Variants in NHSL1 observed in about 807,000 individuals in gnomAD.
NHSL1 encodes the protein NHS like 1, also known as NHS-like protein 1.
A neutral mutation model predicts 95.0 loss-of-function variants in NHSL1; 48 were observed. The ratio of observed to expected loss-of-function variants is 0.51; its 90% CI spans 0.40 to 0.64. The LOEUF is 0.64. Among genes scored for constraint, NHSL1 ranks in the 30% least tolerant of loss-of-function variants. NHSL1 has a pLI of 0.00. For synonymous variants in NHSL1, 783 were observed against 833.9 expected (o/e 0.94, Z 1.05); for missense variants, 1,971 against 2,077.7 (o/e 0.95, Z 1.00).
At chr6:138,680,318 C>T (rs771756689) in intron 1 of NHSL1, among the ~76,000 whole-genome samples, 3 of 152,186 alleles carry the variant, frequency 2.0e-5, no homozygotes, top group Non-Finnish European at 4.4e-5. Flanking sequence ...TCTGCACTGT[C>T]GCAGCACCAC....
chr6:138,620,021 T>C (rs1355891338), intron 1 of NHSL1, among the ~76,000 whole-genome samples: 3 of 147,542 alleles, frequency 2.0e-5, no homozygotes, highest in African/African-American at 7.5e-5. Flanking sequence ...AAAACAACCA[T>C]AACCTAATAA....
intron 1 of NHSL1, among the ~76,000 whole-genome samples, chr6:138,569,245 A>ATG (rs58789555): frequency 0.11 from 15,496 of 147,404 alleles, 1,010 homozygotes; most frequent in East Asian, 0.34. Context: ...TTGTGTGTAT[A>ATG]TGTGTGTGTG....
rs547020096 is a variant in NHSL1 at position 138,538,462 on chromosome 6, A to G, written c.16+7161T>C. Among the ~76,000 whole-genome samples, 32 of 152,290 alleles carry G rather than the reference A, an allele frequency of 2.1e-4. No individual in the cohort carries two copies. The South Asian group carries it at 6.6e-3, about 32-fold the overall frequency. On this transcript the variant is annotated intron_variant, in intron 1 of 4. Transcript: ENST00000342260. ...CACGTGATCTTCTACCAAGTCAAGC[A>G]TCCTCTGGGCATCTGCCAGGCTCGT... is the stretch of plus-strand genomic sequence containing the variant.
chr6:138,429,867 C>T (rs1232674691), intron 6 of NHSL1, 24 bp from the exon 7 acceptor site: 3 of 1,539,850 alleles, frequency 1.9e-6, no homozygotes, highest in South Asian at 2.4e-5. Context: ...GGCAGGCATA[C>T]AAGACGCACA....
At chr6:138,559,057 G>GAAAAA (rs918734422) in intron 1 of NHSL1, among the ~76,000 whole-genome samples, 4 of 121,856 alleles carry the variant, frequency 3.3e-5, no homozygotes, top group African/African-American at 1.2e-4. Context: ...TCTTTAAAAA[G>GAAAAA]AAAAAAAAAA....
intron 1 of NHSL1, among the ~76,000 whole-genome samples, chr6:138,649,629 A>G (rs1385121510): frequency 6.6e-6 from 1 of 152,184 alleles, no homozygotes; most frequent in East Asian, 1.9e-4. Context: ...GCATTAGATG[A>G]GGAGGACACA....
intron 1 of NHSL1, among the ~76,000 whole-genome samples, chr6:138,542,773 A>G (rs1289939005): frequency 6.6e-6 from 1 of 152,078 alleles, no homozygotes; most frequent in Non-Finnish European, 1.5e-5. Context: ...TTCTTTAAAC[A>G]TTTTTTTCGA....
intron 1 of NHSL1, among the ~76,000 whole-genome samples, chr6:138,569,675 C>CA (rs1195619927): frequency 1.3e-5 from 2 of 152,162 alleles, no homozygotes; most frequent in Non-Finnish European, 2.9e-5. Context: ...TTCTGTATTT[C>CA]TCCAAAGGAA....
intron 1 of NHSL1, among the ~76,000 whole-genome samples, chr6:138,659,721 GTT>G (rs35077038): frequency 2.5e-4 from 32 of 128,662 alleles, no homozygotes; most frequent in African/African-American, 3.1e-4. Flanking sequence ...TTTTTTTTTT[GTT>G]TTTTTTTTTT....
intron 2 of NHSL1, among the ~76,000 whole-genome samples, chr6:138,487,936 C>T (rs11755348): frequency 0.069 from 10,448 of 152,212 alleles, 404 homozygotes; most frequent in Non-Finnish European, 0.086. Context: ...AACTAGAAAA[C>T]GATTTAAAAT....
chr6:138,464,734 A>T (rs1778245465), intron 3 of NHSL1, among the ~76,000 whole-genome samples: 1 of 71,400 alleles, frequency 1.4e-5, no homozygotes, highest in Non-Finnish European at 2.4e-5. Context: ...TTTTTTTGAG[A>T]CAGAGTCTGG....
intron 1 of NHSL1, among the ~76,000 whole-genome samples, chr6:138,582,603 CCCCAAG>C (rs1784077473): frequency 6.6e-6 from 1 of 152,184 alleles, no homozygotes; most frequent in Non-Finnish European, 1.5e-5. Context: ...ATCCGCCCAA[CCCCAAG>C]TCAGGAGCCT....
intron 1 of NHSL1, among the ~76,000 whole-genome samples, chr6:138,533,289 G>A (rs1327658410): frequency 1.3e-5 from 2 of 152,088 alleles, no homozygotes; most frequent in Admixed American, 1.3e-4. Context: ...TTACTGCCAG[G>A]ATGGTGGCTC....
rs1330949912 is a variant in NHSL1 at position 138,424,576 on chromosome 6, G to C, written c.4326C>G (p.Leu1442=). The C allele has an allele frequency of 2.6e-6, 4 of 1,551,558 alleles. No individual in the cohort carries two copies. In the East Asian group the frequency reaches 7.3e-5, roughly 28 times the overall value. Residue 1442 remains leucine, a synonymous_variant, in exon 8 of 8, where the codon CTC becomes CTG. Transcript: ENST00000343505. This position sits in a 1 kb window ranked among gnomAD's most constrained non-coding sequence, Gnocchi z 5.9. ...TSARMSAAEM[L]KNTDPRFQRS... ...TCTGGAATCTAGGGTCTGTGTTCTT[G>C]AGCATCTCTGCTGCAGACATGCGGG...
chr6:138,543,290 A>G (rs1245300145), intron 1 of NHSL1, among the ~76,000 whole-genome samples: 1 of 152,204 alleles, frequency 6.6e-6, no homozygotes, highest in African/African-American at 2.4e-5. Flanking sequence ...AATGTTGCAC[A>G]TACAAAATGC....
In NHSL1 at chr6:138,430,393, C is replaced by A. The variant is rs1775552320; in HGVS notation, c.3952G>T (p.Ala1318Ser). 1.4e-6 allele frequency: 2 copies of A among 1,462,766 alleles called. No individual in the cohort carries two copies. Among genetic ancestry groups the A allele is most frequent in the Non-Finnish European group, 1.8e-6 (2 of 1,102,432 alleles). The allele number at this position is 1,462,766 out of a possible 1,614,324, so 90.6% of individuals were successfully genotyped here. ...AGAGAAGCCAGGAAGCCAGACTCAC[C>A]TGCTCCGTCCTGTTGAGATAGGCAG... ...ESCLSQQDGA[A>S]GVPETNAAGS... Residue 1318 changes from alanine (A) to serine (S), a missense_variant and splice_region_variant, in exon 6 of 8, where the codon GCT becomes TCT. Physicochemically the swap from Ala to Ser is moderately conservative, Grantham distance 99. Around this residue, in one of 3 missense-constraint regions of NHSL1, gnomAD observed 146 missense variants for 206.3 expected, o/e 0.71. Coordinates refer to ENST00000343505, the MANE Select transcript of NHSL1 (RefSeq NM_001144060.2). The surrounding 1 kb of genome is among the most constrained non-coding windows in gnomAD (Gnocchi z 4.7).
At chr6:138,469,411 C>T (rs117913920) in intron 3 of NHSL1, among the ~76,000 whole-genome samples, 109 of 152,226 alleles carry the variant, frequency 7.2e-4, no homozygotes, top group Non-Finnish European at 1.3e-3. Flanking sequence ...AGCACTAAGA[C>T]TTGTTAACTT....
intron 1 of NHSL1, among the ~76,000 whole-genome samples, chr6:138,583,053 C>T (rs1232453970): frequency 3.3e-5 from 5 of 152,174 alleles, no homozygotes; most frequent in Non-Finnish European, 7.3e-5. Context: ...GTGGCTCTCC[C>T]CGTGTGCCTG....
chr6:138,587,072 A>T (rs1007382230), intron 1 of NHSL1, among the ~76,000 whole-genome samples: 1 of 151,534 alleles, frequency 6.6e-6, no homozygotes, highest in African/African-American at 2.4e-5. Flanking sequence ...CCCTAGGTTC[A>T]AGCGATTCTC....
Sources: allele counts gnomAD v4.1 joint callset (sites outside exome capture counted in the v4.1 genomes callset), GRCh38; gene constraint gnomAD v4.1.1; regional missense constraint gnomAD v4.1.1; non-coding constraint Gnocchi (gnomAD v3.1); transcripts MANE v1.5; gene names NCBI Gene and HGNC (gene_info 2026-07-23, HGNC 2026-07-21).